The following TTC21B variants were observed in gnomAD, a reference collection of about 807,000 sequenced individuals.
TTC21B encodes tetratricopeptide repeat domain 21B, also known as tetratricopeptide repeat protein 21B.
In TTC21B, 127 loss-of-function variants were observed where a neutral mutation model predicts 175.1. The observed-to-expected ratio is 0.73, with a 90% CI of 0.63 to 0.84. The LOEUF (loss-of-function observed/expected upper bound fraction) is 0.84, where lower values mean the gene tolerates loss of function less well. Among genes scored for constraint, TTC21B ranks in the 40% least tolerant of loss-of-function variants. The probability of loss-of-function intolerance (pLI) is 0.00; values close to 1 mark genes in which losing one functional copy is unlikely to be tolerated. For synonymous variants in TTC21B, 524 were observed against 524.5 expected (o/e 1.00, Z 0.01); for missense variants, 1,561 against 1,558.3 (o/e 1.00, Z -0.03).
chr2:165,906,739 A>C (rs1486112006), intron 19 of TTC21B, among the ~76,000 whole-genome samples: 3 of 152,100 alleles, frequency 2.0e-5, no homozygotes, highest in Non-Finnish European at 4.4e-5. Context: ...TGAGGTCAGG[A>C]GTTTGAGACC....
intron 22 of TTC21B, among the ~76,000 whole-genome samples, chr2:165,895,776 C>A (rs1293783864): frequency 6.6e-6 from 1 of 152,012 alleles, no homozygotes; most frequent in Non-Finnish European, 1.5e-5. Context: ...TAGTTCACAG[C>A]ATTCTTTTAA....
intron 27 of TTC21B, among the ~76,000 whole-genome samples, chr2:165,877,842 G>T (rs1197054882): frequency 6.6e-6 from 1 of 152,246 alleles, no homozygotes; most frequent in African/African-American, 2.4e-5. Flanking sequence ...AAAATAAGAA[G>T]TTTCAGAGAG....
chr2:165,945,564 T>G lies in TTC21B; in HGVS notation c.389A>C (p.Tyr130Ser), dbSNP rs1308267509. 1 of 1,613,666 alleles carries G rather than the reference T, an allele frequency of 6.2e-7. No homozygotes were observed. Among genetic ancestry groups the G allele is most frequent in the African/African-American group, 1.3e-5 (1 of 74,936 alleles). The change falls in exon 4 of 29, where the codon TAT (tyrosine) becomes TCT (serine). Residue 130 changes from tyrosine (Y) to serine (S), a missense_variant. By Grantham distance (144) the Tyr-to-Ser change is moderately radical. Coordinates refer to ENST00000243344, the MANE Select transcript of TTC21B (RefSeq NM_024753.5). Reference protein sequence around the residue: ...HIGRHDKAREYIDRMIKISDG... With the variant: ...HIGRHDKARESIDRMIKISDG... ...TGATATTTTGATCATTCTGTCAATA[T>G]ATTCCCTTGCTTTATCATGGCGACC... is the stretch of plus-strand genomic sequence containing the variant.
chr2:165,953,558 C>G (rs1687825238), intron 1 of TTC21B, 127 bp downstream of exon 1: 3 of 1,468,510 alleles, frequency 2.0e-6, no homozygotes. Context: ...CCCGAGCAGC[C>G]GGGGCACCGC....
intron 6 of TTC21B, 43 bp downstream of exon 6, chr2:165,940,984 T>C (rs1421864093): frequency 5.0e-6 from 8 of 1,610,102 alleles, no homozygotes; most frequent in Non-Finnish European, 6.8e-6. Context: ...CTCAAAATTA[T>C]AACCAAATCC....
intron 26 of TTC21B, 98 bp downstream of exon 26, chr2:165,883,696 A>G: frequency 1.0e-6 from 1 of 971,334 alleles, no homozygotes; most frequent in Non-Finnish European, 1.6e-6. Context: ...CAAAAATCAC[A>G]CAGGAATCCT....
intron 12 of TTC21B, among the ~76,000 whole-genome samples, chr2:165,923,804 G>A (rs1421851789): frequency 6.8e-6 from 1 of 147,468 alleles, no homozygotes; most frequent in East Asian, 2.0e-4. Context: ...ACGCTGGAGT[G>A]CAGTGGCGTG....
intron 24 of TTC21B, among the ~76,000 whole-genome samples, chr2:165,890,020 A>G (rs1410680038): frequency 2.6e-5 from 4 of 152,160 alleles, no homozygotes; most frequent in Non-Finnish European, 4.4e-5. Context: ...TGCCTCCATC[A>G]TTACTATCAC....
At chr2:165,900,321 CTGTT>C (rs1264586788) in intron 20 of TTC21B, among the ~76,000 whole-genome samples, 3 of 152,162 alleles carry the variant, frequency 2.0e-5, no homozygotes, top group East Asian at 3.9e-4. Flanking sequence ...AAAAAGGTAT[CTGTT>C]TGGTTATGCC....
intron 27 of TTC21B, among the ~76,000 whole-genome samples, chr2:165,878,341 CAA>C (rs1684735474): frequency 6.6e-6 from 1 of 152,102 alleles, no homozygotes; most frequent in Non-Finnish European, 1.5e-5. Context: ...CAACTATATG[CAA>C]TCAGGAGAGA....
chr2:165,949,526 T>A, intron 2 of TTC21B, 22 bp from the exon 3 acceptor site: 1 of 1,613,496 alleles, frequency 6.2e-7, no homozygotes, highest in Non-Finnish European at 8.5e-7. Context: ...GATTATGATA[T>A]GAAAAACTGT....
At chr2:165,892,388 C>T (rs545946251) in intron 22 of TTC21B, among the ~76,000 whole-genome samples, 1 of 152,256 alleles carries the variant, frequency 6.6e-6, no homozygotes, top group South Asian at 2.1e-4. Flanking sequence ...AAAGCAGAGA[C>T]TCAAACAGGT....
intron 19 of TTC21B, among the ~76,000 whole-genome samples, chr2:165,907,228 G>C (rs928714267): frequency 6.6e-6 from 1 of 151,884 alleles, no homozygotes; most frequent in East Asian, 1.9e-4. Context: ...AATAATTCAA[G>C]TCACTTATAA....
At chr2:165,949,782 A>G in intron 1 of TTC21B, 58 bp from the exon 2 acceptor site, 1 of 1,519,148 alleles carries the variant, frequency 6.6e-7, no homozygotes, top group Non-Finnish European at 9.1e-7. Flanking sequence ...GAAATACTCT[A>G]AGAAGCAGAT....
chr2:165,917,196 T>C, intron 14 of TTC21B, 61 bp downstream of exon 14: 1 of 1,491,488 alleles, frequency 6.7e-7, no homozygotes, highest in Non-Finnish European at 9.3e-7. Flanking sequence ...CATTTTCTAC[T>C]AATATATATG....
chr2:165,914,778 T>C (rs1436390166), intron 15 of TTC21B, among the ~76,000 whole-genome samples: 1 of 151,400 alleles, frequency 6.6e-6, no homozygotes, highest in Admixed American at 6.6e-5. Flanking sequence ...ATATCTGTAA[T>C]CCACACGTTA....
chr2:165,945,612 G>C lies in TTC21B; in HGVS notation c.341C>G (p.Ala114Gly). The C allele has an allele frequency of 6.2e-7, 1 of 1,613,636 alleles. No individual in the cohort carries two copies. The highest frequency in any genetic ancestry group is 8.5e-7 in the Non-Finnish European group (1 of 1,179,824). The part of the protein sequence containing the change: ...KGAGEKALYH[A>G]GLFLWHIGRH... ...ACCAATGTGCCATAAAAATAAGCCT[G>C]CATGGTATAAGGCTTTCTCTCCAGC... The change falls in exon 4 of 29, where the codon GCA becomes GGA. Residue 114 changes from alanine to glycine, a missense_variant. Coordinates refer to ENST00000243344, the MANE Select transcript of TTC21B (RefSeq NM_024753.5).
intron 1 of TTC21B, among the ~76,000 whole-genome samples, chr2:165,950,271 T>C (rs541643855): frequency 6.6e-6 from 1 of 152,302 alleles, no homozygotes; most frequent in South Asian, 2.1e-4. Context: ...TAAGAATAAA[T>C]AAACTATTTT....
At chr2:165,927,952 T>A (rs534972019) in intron 11 of TTC21B, among the ~76,000 whole-genome samples, 21 of 152,336 alleles carry the variant, frequency 1.4e-4, no homozygotes, top group Non-Finnish European at 2.6e-4. Context: ...TGCTCTGATA[T>A]CCCTGTGCTG....
Sources: allele counts gnomAD v4.1 joint callset (sites outside exome capture counted in the v4.1 genomes callset), GRCh38; gene constraint gnomAD v4.1.1; transcripts MANE v1.5; gene names NCBI Gene and HGNC (gene_info 2026-07-23, HGNC 2026-07-21).